Variants in SLCO1B1 observed in about 807,000 individuals in gnomAD.
The protein encoded by SLCO1B1 is OATP-2.
SLCO1B1 carries 81 observed loss-of-function variants against 70.1 expected under a neutral mutation model. The observed-to-expected ratio is 1.16, with a 90% CI of 0.97 to 1.39. SLCO1B1 has a LOEUF of 1.39. Ranked by LOEUF, SLCO1B1 falls within the 40% of genes most tolerant of loss-of-function variation. SLCO1B1 has a pLI of 0.00. For missense variants in SLCO1B1, 895 were observed against 799.6 expected (o/e 1.12, Z -1.44); for synonymous variants, 283 against 271.5 (o/e 1.04, Z -0.42).
chr12:21,200,784 G>T, intron 9 of SLCO1B1, 112 bp downstream of exon 9: 1 of 854,098 alleles, frequency 1.2e-6, no homozygotes, highest in South Asian at 1.9e-5. Context: ...TACAGGATAA[G>T]TATAATTTTC....
intron 14 of SLCO1B1, among the ~76,000 whole-genome samples, chr12:21,233,622 A>G (rs571945995): frequency 1.3e-5 from 2 of 152,210 alleles, no homozygotes; most frequent in Non-Finnish European, 2.9e-5. Context: ...GCCCCTAAAG[A>G]AGCCAAATCA....
chr12:21,142,122 G>A (rs1414405168), intron 2 of SLCO1B1, among the ~76,000 whole-genome samples: 1 of 151,004 alleles, frequency 6.6e-6, no homozygotes, highest in South Asian at 2.1e-4. Flanking sequence ...AGTAATTTAG[G>A]CTCATGGAAC....
intron 8 of SLCO1B1, among the ~76,000 whole-genome samples, chr12:21,197,683 C>T (rs530702935): frequency 1.3e-5 from 2 of 152,138 alleles, no homozygotes; most frequent in African/African-American, 2.4e-5. Context: ...TAACTATTAT[C>T]AGGTGTAGAG....
intron 14 of SLCO1B1, among the ~76,000 whole-genome samples, chr12:21,236,650 G>A (rs192904578): frequency 1.3e-5 from 2 of 152,212 alleles, no homozygotes; most frequent in African/African-American, 4.8e-5. Context: ...ATTTTCACAG[G>A]GTTCTCTGGG....
chr12:21,135,848 T>C (rs1386810400), intron 1 of SLCO1B1, among the ~76,000 whole-genome samples: 1 of 152,204 alleles, frequency 6.6e-6, no homozygotes, highest in African/African-American at 2.4e-5. Flanking sequence ...AAAGTTAATA[T>C]TGTTATGTGT....
intron 2 of SLCO1B1, among the ~76,000 whole-genome samples, chr12:21,148,483 C>T (rs922893808): frequency 6.6e-6 from 1 of 151,968 alleles, no homozygotes; most frequent in Non-Finnish European, 1.5e-5. Context: ...TTTTCCATTG[C>T]TTTTTTTGGT....
At chr12:21,149,563 C>A (rs1171349946) in intron 2 of SLCO1B1, among the ~76,000 whole-genome samples, 2 of 152,134 alleles carry the variant, frequency 1.3e-5, no homozygotes, top group African/African-American at 4.8e-5. Context: ...CAAGCCGAAG[C>A]AGGGTAGGGT....
At chr12:21,204,207 G>C (rs1258273522) in intron 10 of SLCO1B1, among the ~76,000 whole-genome samples, 1 of 151,724 alleles carries the variant, frequency 6.6e-6, no homozygotes, top group Non-Finnish European at 1.5e-5. Context: ...GGATCCCTGA[G>C]ACTTTATCAA....
chr12:21,171,386 G>A (rs570659174), intron 2 of SLCO1B1, among the ~76,000 whole-genome samples: 2 of 152,270 alleles, frequency 1.3e-5, no homozygotes, highest in African/African-American at 2.4e-5. Flanking sequence ...TTGTGGGGAG[G>A]TGGGTGTAAA....
At chr12:21,145,013 A>G (rs1940362472) in intron 2 of SLCO1B1, among the ~76,000 whole-genome samples, 1 of 152,172 alleles carries the variant, frequency 6.6e-6, no homozygotes, top group African/African-American at 2.4e-5. Context: ...TCAAGCCAAC[A>G]TAATAACCAG....
chr12:21,191,518 T>C (rs1242237243), intron 7 of SLCO1B1, among the ~76,000 whole-genome samples: 2 of 152,152 alleles, frequency 1.3e-5, no homozygotes, highest in East Asian at 3.8e-4. Context: ...CTAACAGGTG[T>C]GTGTGTGTGT....
intron 7 of SLCO1B1, among the ~76,000 whole-genome samples, chr12:21,194,819 C>A (rs1591816237): frequency 6.6e-6 from 1 of 152,326 alleles, no homozygotes; most frequent in Middle Eastern, 3.4e-3. Context: ...GCTTATGATT[C>A]TGCAAGCTGT....
chr12:21,147,141 GA>G (rs71043248), intron 2 of SLCO1B1, among the ~76,000 whole-genome samples: 19,784 of 152,024 alleles, frequency 0.13, 1,783 homozygotes, highest in Middle Eastern at 0.23. Flanking sequence ...GTTTTCTTAA[GA>G]ATTGACCCCT....
At chr12:21,137,052 C>G (rs191194732) in intron 1 of SLCO1B1, among the ~76,000 whole-genome samples, 1 of 152,300 alleles carries the variant, frequency 6.6e-6, no homozygotes, top group East Asian at 1.9e-4. Context: ...TTCTAACAGA[C>G]AGGACCCTCA....
chr12:21,132,688 T>G (rs1206202109), intron 1 of SLCO1B1, among the ~76,000 whole-genome samples: 4 of 152,104 alleles, frequency 2.6e-5, no homozygotes, highest in Non-Finnish European at 4.4e-5. Flanking sequence ...GGGTCGTTTG[T>G]CTTTTGTAAA....
At chr12:21,213,499 T>C (rs1051173203) in intron 11 of SLCO1B1, among the ~76,000 whole-genome samples, 3 of 146,906 alleles carry the variant, frequency 2.0e-5, no homozygotes, top group African/African-American at 7.6e-5. Context: ...CCCTTAACAT[T>C]TTTTCCTTCA....
chr12:21,209,314 T>G (rs1329906441), intron 11 of SLCO1B1, among the ~76,000 whole-genome samples: 2 of 151,824 alleles, frequency 1.3e-5, no homozygotes, highest in East Asian at 3.9e-4. Flanking sequence ...CGGTGTTTGG[T>G]TTTTTGTTCT....
chr12:21,176,501 A>G (rs1180327174), intron 4 of SLCO1B1, among the ~76,000 whole-genome samples: 1 of 152,118 alleles, frequency 6.6e-6, no homozygotes, highest in East Asian at 1.9e-4. Flanking sequence ...AGGATATTTC[A>G]TATCTTGACC....
At chr12:21,217,693 G>C (rs1941376090) in intron 12 of SLCO1B1, among the ~76,000 whole-genome samples, 1 of 152,026 alleles carries the variant, frequency 6.6e-6, no homozygotes, top group Non-Finnish European at 1.5e-5. Flanking sequence ...TAAAGCATTT[G>C]AAAACTAGAT....
Sources: gnomAD v4.1 joint callset for allele counts (sites outside exome capture counted in the v4.1 genomes callset) on GRCh38, gnomAD v4.1.1 for gene constraint, MANE v1.5 for transcripts, NCBI Gene and HGNC (gene_info 2026-07-23, HGNC 2026-07-21) for gene names.